The following POLD3 variants were observed in gnomAD, a reference collection of about 807,000 sequenced individuals.
POLD3 encodes DNA polymerase delta 3, accessory subunit, also known as DNA polymerase delta subunit 3.
In POLD3, 19 loss-of-function variants were observed where a neutral mutation model predicts 58.2. That is an observed-to-expected ratio of 0.33 (90% CI 0.23 to 0.48). The LOEUF (loss-of-function observed/expected upper bound fraction) is 0.48. POLD3 is among the 20% of genes least tolerant of loss of function. POLD3 has a pLI of 0.99. For synonymous variants in POLD3, 172 were observed against 193.5 expected (o/e 0.89, Z 0.92); for missense variants, 504 against 545.5 (o/e 0.92, Z 0.76).
intron 4 of POLD3, among the ~76,000 whole-genome samples, chr11:74,653,431 T>C (rs569271661): frequency 5.3e-5 from 8 of 152,312 alleles, no homozygotes; most frequent in Middle Eastern, 3.4e-3. Flanking sequence ...CTTCTTCTTA[T>C]GTTATACTTG....
chr11:74,625,873 G>T (rs374046110), intron 8 of POLD3, among the ~76,000 whole-genome samples: 1 of 85,138 alleles, frequency 1.2e-5, no homozygotes, highest in African/African-American at 3.0e-5. Context: ...GTGCCTAGTT[G>T]TGTGTGTGTG....
At chr11:74,614,446 C>T (rs1016269636) in intron 5 of POLD3, among the ~76,000 whole-genome samples, 10 of 152,176 alleles carry the variant, frequency 6.6e-5, no homozygotes, top group Non-Finnish European at 1.2e-4. Context: ...CACAGTGGCT[C>T]ACGCCTGTAA....
intron 3 of POLD3, 41 bp from the exon 4 acceptor site, chr11:74,611,458 A>T (rs368342910): frequency 4.2e-5 from 54 of 1,287,476 alleles, no homozygotes; most frequent in Non-Finnish European, 5.8e-5. Context: ...AAAATTGCAG[A>T]TTCTTACATT....
intron 7 of POLD3, among the ~76,000 whole-genome samples, chr11:74,621,619 A>G (rs12287097): frequency 0.12 from 18,883 of 152,170 alleles, 1,484 homozygotes; most frequent in African/African-American, 0.22. Flanking sequence ...AGCACCTGCT[A>G]TGTGCATGGC....
intron 4 of POLD3, among the ~76,000 whole-genome samples, chr11:74,655,188 C>T (rs2033117497): frequency 6.6e-6 from 1 of 152,254 alleles, no homozygotes; most frequent in South Asian, 2.1e-4. Context: ...TATTTGAGCA[C>T]AACCTCTGAT....
At chr11:74,614,134 A>G (rs764230701) in intron 5 of POLD3, among the ~76,000 whole-genome samples, 27 of 152,358 alleles carry the variant, frequency 1.8e-4, no homozygotes, top group Middle Eastern at 3.4e-3. Context: ...CAGGAATTAC[A>G]TTATGCTTTG....
chr11:74,621,695 T>C (rs1226463483), intron 7 of POLD3, among the ~76,000 whole-genome samples: 1 of 152,068 alleles, frequency 6.6e-6, no homozygotes, highest in Non-Finnish European at 1.5e-5. Flanking sequence ...CAAGTCCTTA[T>C]ATTCTACTGA....
intron 9 of POLD3, among the ~76,000 whole-genome samples, chr11:74,631,972 CA>C (rs2032607716): frequency 6.6e-6 from 1 of 152,042 alleles, no homozygotes; most frequent in African/African-American, 2.4e-5. Context: ...GGGTCATAAG[CA>C]CCTGTAGTAC....
chr11:74,623,726 C>T (rs114006443), intron 7 of POLD3, among the ~76,000 whole-genome samples: 108 of 152,180 alleles, frequency 7.1e-4, no homozygotes, highest in African/African-American at 2.5e-3. Context: ...GAAAAGGTTT[C>T]GTGTTTTCTT....
At chr11:74,668,738 A>AT in intron 4 of POLD3, 3 of 1,270,258 alleles carry the variant, frequency 2.4e-6, no homozygotes, top group African/African-American at 1.5e-5. Context: ...AAAAGGGAAG[A>AT]TATATAGAGT....
chr11:74,622,740 A>C (rs1021337085), intron 7 of POLD3, among the ~76,000 whole-genome samples: 7 of 152,228 alleles, frequency 4.6e-5, no homozygotes, highest in Non-Finnish European at 7.3e-5. Context: ...GCTCTGCTGT[A>C]GGGAATGTAA....
At chr11:74,606,840 T>C (rs2031692839) in intron 3 of POLD3, among the ~76,000 whole-genome samples, 1 of 152,244 alleles carries the variant, frequency 6.6e-6, no homozygotes, top group Non-Finnish European at 1.5e-5. Flanking sequence ...GTCTTCTGTT[T>C]CTAAGTATAA....
chr11:74,611,903 C>A (rs568924911), intron 4 of POLD3, among the ~76,000 whole-genome samples: 1 of 152,160 alleles, frequency 6.6e-6, no homozygotes, highest in Admixed American at 6.5e-5. Flanking sequence ...AGAAAGACTT[C>A]TAAATAACTT....
intron 5 of POLD3, among the ~76,000 whole-genome samples, chr11:74,614,572 C>T (rs7101472): frequency 0.39 from 59,909 of 151,916 alleles, 12,858 homozygotes; most frequent in African/African-American, 0.56. Context: ...TAGCTGGGCA[C>T]GGTGGCAGGC....
chr11:74,602,132 T>TG (rs1361508740), intron 2 of POLD3, among the ~76,000 whole-genome samples: 6 of 151,954 alleles, frequency 3.9e-5, no homozygotes, highest in Non-Finnish European at 5.9e-5. Context: ...TTGTGGAACA[T>TG]GGGGTCTCGC....
At chr11:74,639,046 G>A (rs760330218) in intron 11 of POLD3, among the ~76,000 whole-genome samples, 5 of 152,122 alleles carry the variant, frequency 3.3e-5, no homozygotes, top group African/African-American at 4.8e-5. Flanking sequence ...TAAGAGGGAC[G>A]GAATGCTCCA....
chr11:74,638,991 T>C (rs529734473), intron 11 of POLD3, among the ~76,000 whole-genome samples: 5 of 152,346 alleles, frequency 3.3e-5, no homozygotes, highest in Non-Finnish European at 5.9e-5. Flanking sequence ...GGGAACTCTC[T>C]GGGAAGGGAT....
At chr11:74,646,713 G>A (rs1338006319), downstream of POLD3, among the ~76,000 whole-genome samples, 1 of 152,226 alleles carries the variant, frequency 6.6e-6, no homozygotes, top group Non-Finnish European at 1.5e-5. Context: ...TTTGGCATTT[G>A]TGCCCTGTTT....
rs2032906546 is a variant in POLD3, at chr11:74,641,275, T to G, written c.*509T>G. 1.0e-6 allele frequency: 1 copy of G among 985,458 alleles called. No homozygotes were observed. Among genetic ancestry groups the G allele is most frequent in the Non-Finnish European group, 1.2e-6 (1 of 830,040 alleles). 61.0% of individuals were successfully genotyped at this position (985,458 alleles called of 1,614,324 possible). On this transcript the variant is annotated 3_prime_UTR_variant, in exon 12 of 12. Transcript: ENST00000263681. The stretch of plus-strand genomic sequence containing the variant: ...CTCCTGAGGCTGTTCTCTGTAAGTC[T>G]TTTAAGTTTTGGTTGGACTAAAGGC...
Sources: gnomAD v4.1 joint callset for allele counts (sites outside exome capture counted in the v4.1 genomes callset) on GRCh38, gnomAD v4.1.1 for gene constraint, MANE v1.5 for transcripts, NCBI Gene and HGNC (gene_info 2026-07-23, HGNC 2026-07-21) for gene names.